Variants in TAFA1 observed in about 807,000 individuals in gnomAD.
TAFA1 encodes TAFA chemokine like family member 1, also known as chemokine-like protein TAFA-1.
Under a neutral mutation model 18.5 loss-of-function variants are expected in TAFA1, and 4 were observed. The ratio of observed to expected loss-of-function variants is 0.22; its 90% CI spans 0.11 to 0.49. The LOEUF is 0.49. TAFA1 is among the 20% of genes least tolerant of loss of function. TAFA1 has a pLI of 0.98. For synonymous variants in TAFA1, 56 were observed against 55.2 expected, an observed-to-expected ratio of 1.01 and a Z score of -0.06; for missense variants, 147 against 169.0, an observed-to-expected ratio of 0.87 and a Z score of 0.72.
At chr3:68,131,527 T>C (rs926338514) in intron 2 of TAFA1, among the ~76,000 whole-genome samples, 4 of 152,214 alleles carry the variant, frequency 2.6e-5, no homozygotes, top group South Asian at 4.1e-4. Context: ...AAACTGCTAC[T>C]GTCCTTATTA....
chr3:68,186,876 C>T (rs1337682826), intron 2 of TAFA1, among the ~76,000 whole-genome samples: 2 of 152,134 alleles, frequency 1.3e-5, no homozygotes, highest in Admixed American at 6.5e-5. Context: ...CCCTTCAAAA[C>T]ATACCATGGG....
At chr3:68,425,154 C>G (rs994897471) in intron 3 of TAFA1, among the ~76,000 whole-genome samples, 1 of 151,872 alleles carries the variant, frequency 6.6e-6, no homozygotes, top group African/African-American at 2.4e-5. Flanking sequence ...AACCCTAAGC[C>G]CCTATTTATA....
intron 2 of TAFA1, among the ~76,000 whole-genome samples, chr3:68,403,602 T>G (rs957060996): frequency 6.6e-6 from 1 of 152,240 alleles, no homozygotes; most frequent in Non-Finnish European, 1.5e-5. Flanking sequence ...AGTTTCAATT[T>G]CCATAAATAT....
chr3:68,386,559 C>A (rs937585389), intron 2 of TAFA1, among the ~76,000 whole-genome samples: 1 of 152,118 alleles, frequency 6.6e-6, no homozygotes, highest in Non-Finnish European at 1.5e-5. Flanking sequence ...CTGGAGGAGA[C>A]TGGCCTAGCT....
intron 2 of TAFA1, among the ~76,000 whole-genome samples, chr3:68,118,884 A>G (rs1235262313): frequency 8.6e-6 from 1 of 115,674 alleles, no homozygotes; most frequent in Admixed American, 8.2e-5. Context: ...TTTTTGGTAT[A>G]TACACAGAAA....
chr3:68,354,970 C>T (rs200627926), intron 2 of TAFA1, among the ~76,000 whole-genome samples: 9 of 151,908 alleles, frequency 5.9e-5, no homozygotes, highest in East Asian at 5.8e-4. Flanking sequence ...TTGGAGGGGA[C>T]GCAAACATTC....
At chr3:68,013,526 T>A (rs1214526330) in intron 2 of TAFA1, among the ~76,000 whole-genome samples, 1 of 152,132 alleles carries the variant, frequency 6.6e-6, no homozygotes, top group Non-Finnish European at 1.5e-5. Context: ...TAGAAAAGAC[T>A]ATAGGAGTTG....
chr3:68,405,146 A>G (rs1356817388), intron 2 of TAFA1, among the ~76,000 whole-genome samples: 1 of 152,158 alleles, frequency 6.6e-6, no homozygotes, highest in Non-Finnish European at 1.5e-5. Context: ...ATATCTTCAT[A>G]AAGGAGTTTG....
In TAFA1 at chr3:68,544,581, T is replaced by C. The variant is rs2073427183; in HGVS notation, c.*78T>C. The C allele has an allele frequency of 4.2e-6, 6 of 1,438,504 alleles. No individual in the cohort carries two copies. The highest frequency in any genetic ancestry group is 1.4e-5 in the African/African-American group (1 of 71,198). 89.1% of individuals were successfully genotyped at this position (1,438,504 alleles called of 1,614,324 possible). ...GAGAATCTCAAACATCTCACATATA[T>C]ACAAGCCAAATGGATTTCTTACTTG... On this transcript the variant is annotated 3_prime_UTR_variant, in exon 5 of 5. Transcript: ENST00000478136.
intron 2 of TAFA1, among the ~76,000 whole-genome samples, chr3:68,241,343 A>G (rs917639620): frequency 1.3e-5 from 2 of 152,176 alleles, no homozygotes; most frequent in Admixed American, 6.5e-5. Context: ...ACTTTTCCAG[A>G]TACCCTGAGA....
intron 2 of TAFA1, among the ~76,000 whole-genome samples, chr3:68,282,806 T>G (rs148657068): frequency 5.3e-5 from 8 of 152,320 alleles, no homozygotes; most frequent in African/African-American, 9.6e-5. Flanking sequence ...AATGAGATGA[T>G]CTGAAGTATA....
intron 2 of TAFA1, among the ~76,000 whole-genome samples, chr3:68,197,551 T>C (rs761674036): frequency 2.0e-5 from 3 of 150,834 alleles, no homozygotes; most frequent in Non-Finnish European, 3.0e-5. Context: ...CATCTAATTA[T>C]AAAGAAAGAA....
At chr3:68,451,905 A>G (rs1346824690) in intron 3 of TAFA1, among the ~76,000 whole-genome samples, 1 of 152,204 alleles carries the variant, frequency 6.6e-6, no homozygotes, top group Non-Finnish European at 1.5e-5. Context: ...GAGACCATAC[A>G]TTTAATGTGA....
rs79544003 is a variant in TAFA1, at chr3:68,257,497, A to C, written c.119-159783A>C. ...GACAAGATGTGGTTGGTGCTTAATT[A>C]ATAGTTGTTGAATCAATGATTACAT... On this transcript the variant is annotated intron_variant, in intron 2 of 4. Coordinates refer to ENST00000478136, the MANE Select transcript of TAFA1 (RefSeq NM_213609.4). Among the ~76,000 whole-genome samples, 533 of 151,988 alleles carry C rather than the reference A, an allele frequency of 3.5e-3. 3 individuals carry two copies. The highest frequency in any genetic ancestry group is 0.027 in the East Asian group (140 of 5,146).
chr3:68,262,340 TA>T lies in TAFA1; in HGVS notation c.119-154939del, dbSNP rs1559585913. On this transcript the variant is annotated intron_variant, in intron 2 of 4. Transcript: ENST00000478136. ...ATATATATATATATATATATATATA[TA>T]TATATATATATATATATTTCATGGG... 4.9e-4 allele frequency among the ~76,000 whole-genome samples: 45 copies of T among 92,172 alleles called. 2 individuals are homozygous for T. The highest frequency in any genetic ancestry group is 1.1e-3 in the African/African-American group (26 of 23,988). The allele number at this position is 92,172 out of a possible 152,430, so 60.5% of individuals were successfully genotyped here. A position where few individuals can be genotyped will look rare whatever the true frequency, so the allele number is the denominator to read the frequency against.
In TAFA1 at chr3:68,168,401, A is replaced by G. The variant is rs193294685; in HGVS notation, c.118+161657A>G. Among the ~76,000 whole-genome samples the G allele has an allele frequency of 2.0e-5, 3 of 152,350 alleles. No individual in the cohort carries two copies. The East Asian group carries it at 5.8e-4, about 29-fold the overall frequency. ...ATGTGTATTTAGTAACCACACGTTA[A>G]TTCTCCCTTGTATATTTACACATAT... On this transcript the variant is annotated intron_variant, in intron 2 of 4. Coordinates refer to ENST00000478136, the MANE Select transcript of TAFA1 (RefSeq NM_213609.4).
chr3:68,357,015 C>A (rs985208242), intron 2 of TAFA1, among the ~76,000 whole-genome samples: 1 of 151,810 alleles, frequency 6.6e-6, no homozygotes, highest in Non-Finnish European at 1.5e-5. Context: ...GTGAACAAAA[C>A]CTTTAAGGTT....
At chr3:68,137,337 C>A (rs1420399107) in intron 2 of TAFA1, among the ~76,000 whole-genome samples, 1 of 151,908 alleles carries the variant, frequency 6.6e-6, no homozygotes, top group Non-Finnish European at 1.5e-5. Context: ...CAAGTGTTGA[C>A]CTCCCTTCAA....
At chr3:68,465,288 C>T (rs559535152) in intron 3 of TAFA1, among the ~76,000 whole-genome samples, 13 of 152,216 alleles carry the variant, frequency 8.5e-5, no homozygotes, top group East Asian at 1.9e-4. Context: ...ATATAGTGAC[C>T]AAACTCAACA....
Sources: gnomAD v4.1 joint callset for allele counts (sites outside exome capture counted in the v4.1 genomes callset) on GRCh38, gnomAD v4.1.1 for gene constraint, MANE v1.5 for transcripts, NCBI Gene and HGNC (gene_info 2026-07-23, HGNC 2026-07-21) for gene names.